ENTPD1: variants seen among roughly 807,000 people sequenced by gnomAD.
ENTPD1 encodes the protein ectonucleoside triphosphate diphosphohydrolase 1.
Under a neutral mutation model 57.0 loss-of-function variants are expected in ENTPD1, and 33 were observed. The observed-to-expected ratio is 0.58, with a 90% CI of 0.44 to 0.77. ENTPD1 has a LOEUF of 0.77. Among genes scored for constraint, ENTPD1 ranks in the 30% least tolerant of loss-of-function variants. The pLI is 0.00. For missense variants in ENTPD1, 501 were observed against 603.4 expected (o/e 0.83, Z 1.78); for synonymous variants, 202 against 218.8 (o/e 0.92, Z 0.68).
rs899557731 is a variant in ENTPD1, at chr10:95,727,661, T to G, written c.37+15668T>G. Among the ~76,000 whole-genome samples the G allele has an allele frequency of 3.3e-5, 5 of 152,226 alleles. No individual in the cohort carries two copies. The highest frequency in any genetic ancestry group is 7.3e-5 in the Non-Finnish European group (5 of 68,032). On this transcript the variant is annotated intron_variant, in intron 1 of 9. Coordinates refer to the ENTPD1 transcript ENST00000453258. ...TTTTAACCTAGAAATGATATATGCTTGCATTACTTTTCTCATGGTTATTTA... is the reference window on the plus strand; with the variant it reads ...TTTTAACCTAGAAATGATATATGCTGGCATTACTTTTCTCATGGTTATTTA...
chr10:95,734,933 A>G (rs886195172), intron 1 of ENTPD1, among the ~76,000 whole-genome samples: 2 of 151,992 alleles, frequency 1.3e-5, no homozygotes, highest in Admixed American at 1.3e-4. Context: ...TCTGTTTTTC[A>G]TGGAAGAAAT....
In ENTPD1 at chr10:95,868,881, G is replaced by T; in HGVS notation, c.*2498G>T. ...GATGCCAAAAAAAAAATCCTTTAAGGTATTTGGGAGCCAAACTCAACTTGT... is the reference window on the plus strand; with the variant it reads ...GATGCCAAAAAAAAAATCCTTTAAGTTATTTGGGAGCCAAACTCAACTTGT... On this transcript the variant is annotated 3_prime_UTR_variant, in exon 10 of 10. Coordinates refer to ENST00000371205, the MANE Select transcript of ENTPD1 (RefSeq NM_001776.6). 1 of 985,206 alleles carries T rather than the reference G, an allele frequency of 1.0e-6. No homozygotes were observed. Among genetic ancestry groups the T allele is most frequent in the Non-Finnish European group, 1.2e-6 (1 of 829,914 alleles). The allele number at this position is 985,206 out of a possible 1,614,324, so 61.0% of individuals were successfully genotyped here. A position where few individuals can be genotyped will look rare whatever the true frequency, so the allele number is the denominator to read the frequency against.
the ENTPD1 span, chr10:95,694,200 G>A: frequency 4.9e-6 from 2 of 409,312 alleles, no homozygotes; most frequent in Non-Finnish European, 8.8e-6. Flanking sequence ...TAGGAGTTCG[G>A]CGGACCGAGA....
chr10:95,832,921 A>G (rs1031724182), intron 2 of ENTPD1, among the ~76,000 whole-genome samples: 1 of 152,214 alleles, frequency 6.6e-6, no homozygotes, highest in Non-Finnish European at 1.5e-5. Context: ...GATATGTCCT[A>G]TGGAAGGCCC....
In ENTPD1 at chr10:95,782,675, A is replaced by G. The variant is rs575162872; in HGVS notation, c.16+26420A>G. 2.0e-5 allele frequency among the ~76,000 whole-genome samples: 3 copies of G among 152,286 alleles called. No homozygotes were observed. The East Asian group carries it at 5.8e-4, about 29-fold the overall frequency. On this transcript the variant is annotated intron_variant, in intron 1 of 9. Transcript: ENST00000371205. ...GGGAAGATGTGAAGGAAAAAGGAAG[A>G]GAGAATTTTCCCCCTTGCCTTATTG...
intron 1 of ENTPD1, chr10:95,756,500 AT>A (rs985975626): frequency 6.3e-5 from 33 of 524,916 alleles, no homozygotes; most frequent in African/African-American, 5.6e-4. Context: ...AATATTCATT[AT>A]CAATTTGTAT....
At chr10:95,722,331 A>G (rs1307536580) in intron 1 of ENTPD1, among the ~76,000 whole-genome samples, 1 of 151,260 alleles carries the variant, frequency 6.6e-6, no homozygotes. Context: ...TTTAGGGTAC[A>G]TGTGCACAAT....
At chr10:95,763,852 C>T (rs1384102832) in intron 1 of ENTPD1, among the ~76,000 whole-genome samples, 1 of 152,210 alleles carries the variant, frequency 6.6e-6, no homozygotes, top group Non-Finnish European at 1.5e-5. Flanking sequence ...CTATTCTAAT[C>T]ACCTTACAGA....
intron 1 of ENTPD1, among the ~76,000 whole-genome samples, chr10:95,742,602 A>G (rs1303380780): frequency 6.9e-6 from 1 of 145,574 alleles, no homozygotes; most frequent in Non-Finnish European, 1.5e-5. Flanking sequence ...TTTGAATACT[A>G]CTATGTTTTC....
At chr10:95,805,151 T>A (rs188824567) in intron 1 of ENTPD1, among the ~76,000 whole-genome samples, 3 of 152,200 alleles carry the variant, frequency 2.0e-5, no homozygotes, top group Non-Finnish European at 4.4e-5. Flanking sequence ...TCTAAGGACT[T>A]GCTTTATGAA....
upstream of ENTPD1, chr10:95,755,853 A>C: frequency 1.3e-6 from 2 of 1,514,812 alleles, no homozygotes; most frequent in South Asian, 1.2e-5. Flanking sequence ...TTCAAGGGAG[A>C]AAAAGGGATT....
intron 1 of ENTPD1, among the ~76,000 whole-genome samples, chr10:95,744,775 GTAT>G (rs1210353195): frequency 6.6e-6 from 1 of 152,060 alleles, no homozygotes; most frequent in African/African-American, 2.4e-5. Flanking sequence ...TGAAAACTTT[GTAT>G]GGGTTAAGGT....
At chr10:95,788,578 C>T (rs1194487202) in intron 1 of ENTPD1, among the ~76,000 whole-genome samples, 5 of 151,428 alleles carry the variant, frequency 3.3e-5, no homozygotes, top group African/African-American at 1.2e-4. Flanking sequence ...GATTGCACCA[C>T]TGCACTGCAG....
intron 1 of ENTPD1, among the ~76,000 whole-genome samples, chr10:95,784,030 G>A (rs1483431858): frequency 4.6e-5 from 7 of 150,942 alleles, no homozygotes; most frequent in East Asian, 1.9e-4. Context: ...TGTCTCTTTC[G>A]ATTACTATAT....
In ENTPD1 at chr10:95,868,271, C is replaced by G. The variant is rs1256826021; in HGVS notation, c.*1888C>G. 1 of 985,314 alleles carries G rather than the reference C, an allele frequency of 1.0e-6. No individual in the cohort carries two copies. The highest frequency in any genetic ancestry group is 1.2e-6 in the Non-Finnish European group (1 of 829,944). 61.0% of individuals were successfully genotyped at this position (985,314 alleles called of 1,614,324 possible). A position where few individuals can be genotyped will look rare whatever the true frequency, so the allele number is the denominator to read the frequency against. On this transcript the variant is annotated 3_prime_UTR_variant, in exon 10 of 10. Transcript: ENST00000371205. ...TACCAGGCTGTCTCCTCATAACTTC[C>G]AAGCATGCACTTAAAACTCCACATG... is the stretch of plus-strand genomic sequence containing the variant.
rs151031631 is a variant in ENTPD1 at position 95,725,139 on chromosome 10, G to C, written c.37+13146G>C. On this transcript the variant is annotated intron_variant, in intron 1 of 9. Coordinates refer to the ENTPD1 transcript ENST00000453258. ...ATACTTTCAATCTATTATACTTTTG[G>C]GCCCATCTAGTGAATTTTTCATATC... is the stretch of plus-strand genomic sequence containing the variant. Among the ~76,000 whole-genome samples the C allele has an allele frequency of 7.1e-3, 1,076 of 151,206 alleles. 4 individuals are homozygous for C. The highest frequency in any genetic ancestry group is 0.01 in the Non-Finnish European group (708 of 67,760).
chr10:95,748,439 A>C (rs527743749), intron 1 of ENTPD1, among the ~76,000 whole-genome samples: 23 of 152,344 alleles, frequency 1.5e-4, no homozygotes, highest in African/African-American at 3.8e-4. Flanking sequence ...AGTAGAGAGA[A>C]TAATAAAACA....
intron 6 of ENTPD1, 133 bp from the exon 7 acceptor site, chr10:95,847,313 C>A: frequency 2.0e-6 from 2 of 1,023,142 alleles, no homozygotes; most frequent in Non-Finnish European, 3.0e-6. Flanking sequence ...GGTAAAAAGG[C>A]AGGGCAGGAC....
At chr10:95,739,813 C>G (rs12771024) in intron 1 of ENTPD1, among the ~76,000 whole-genome samples, 8 of 152,204 alleles carry the variant, frequency 5.3e-5, no homozygotes, top group Admixed American at 1.3e-4. Flanking sequence ...GAGGAACTAT[C>G]TATGATGGCT....
Sources: gnomAD v4.1 joint callset for allele counts (sites outside exome capture counted in the v4.1 genomes callset) on GRCh38, gnomAD v4.1.1 for gene constraint, MANE v1.5 for transcripts, NCBI Gene and HGNC (gene_info 2026-07-23, HGNC 2026-07-21) for gene names.